FBN2: variants seen among roughly 807,000 people sequenced by gnomAD.
FBN2 encodes the protein fibrillin 2.
A neutral mutation model predicts 355.6 loss-of-function variants in FBN2; 105 were observed. The observed-to-expected ratio is 0.30, with a 90% CI of 0.25 to 0.35. The LOEUF is 0.35. FBN2 is among the 10% of genes least tolerant of loss of function. The probability of loss-of-function intolerance (pLI) is 1.00; values close to 1 mark genes in which losing one functional copy is unlikely to be tolerated. For synonymous variants in FBN2, 1,350 were observed against 1,301.2 expected, an observed-to-expected ratio of 1.04 and a Z score of -0.81; for missense variants, 3,280 against 3,758.7, an observed-to-expected ratio of 0.87 and a Z score of 3.33.
intron 48 of FBN2, among the ~76,000 whole-genome samples, chr5:128,297,719 C>T (rs2126829680): frequency 6.6e-6 from 1 of 152,182 alleles, no homozygotes; most frequent in African/African-American, 2.4e-5. Flanking sequence ...TTATTTTGAG[C>T]CTATGTGTGT....
At chr5:128,340,649 C>T (rs899227333) in intron 25 of FBN2, among the ~76,000 whole-genome samples, 1 of 152,018 alleles carries the variant, frequency 6.6e-6, no homozygotes, top group Non-Finnish European at 1.5e-5. Context: ...GCTACAAATC[C>T]CAGTCTGTCA....
chr5:128,446,309 C>A (rs530999058), intron 7 of FBN2, 172 bp downstream of exon 7: 117 of 610,808 alleles, frequency 1.9e-4, no homozygotes, highest in African/African-American at 1.8e-3. Flanking sequence ...CAAATCAAAC[C>A]CACTAAGGCT....
chr5:128,426,888 T>C lies in FBN2; in HGVS notation c.953-18089A>G, dbSNP rs973919278. Among the ~76,000 whole-genome samples, 6 of 152,282 alleles carry C rather than the reference T, an allele frequency of 3.9e-5. No individual in the cohort carries two copies. In the East Asian group the frequency reaches 7.7e-4, roughly 20 times the overall value. On this transcript the variant is annotated intron_variant, in intron 7 of 64. Coordinates refer to ENST00000262464, the MANE Select transcript of FBN2 (RefSeq NM_001999.4). ...CCTTCCCAGTCTCCTTTGTTGGTGC[T>C]TTCTCATCTCCTGCACCTCTAAATG...
chr5:128,494,068 G>C (rs1395663820), intron 5 of FBN2, among the ~76,000 whole-genome samples: 1 of 152,158 alleles, frequency 6.6e-6, no homozygotes, highest in South Asian at 2.1e-4. Context: ...GTTTAAGCTG[G>C]AGACACAGAT....
chr5:128,269,033 G>A (rs1369853660), intron 62 of FBN2, among the ~76,000 whole-genome samples: 3 of 152,148 alleles, frequency 2.0e-5, no homozygotes, highest in Non-Finnish European at 2.9e-5. Flanking sequence ...GGGCAATCAG[G>A]CAAGAGAAGA....
intron 57 of FBN2, among the ~76,000 whole-genome samples, chr5:128,278,335 A>G (rs2126809191): frequency 6.6e-6 from 1 of 152,306 alleles, no homozygotes. Context: ...TGATCTTGGG[A>G]AAATTACTTA....
At chr5:128,467,631 G>GTA (rs1165032594) in intron 5 of FBN2, among the ~76,000 whole-genome samples, 2 of 152,060 alleles carry the variant, frequency 1.3e-5, no homozygotes, top group Non-Finnish European at 2.9e-5. Context: ...AAATACTGAT[G>GTA]TATACCATGC....
At chr5:128,404,821 G>A (rs1400111919) in intron 8 of FBN2, among the ~76,000 whole-genome samples, 1 of 152,174 alleles carries the variant, frequency 6.6e-6, no homozygotes, top group Non-Finnish European at 1.5e-5. Flanking sequence ...TCAAAATGGT[G>A]GGGCTGATTA....
chr5:128,447,981 G>A (rs963752357), intron 6 of FBN2, among the ~76,000 whole-genome samples: 1 of 152,166 alleles, frequency 6.6e-6, no homozygotes, highest in African/African-American at 2.4e-5. Context: ...AACACTTAAT[G>A]TGTTTCCTCT....
At chr5:128,390,205 C>T (rs1752475761) in intron 11 of FBN2, among the ~76,000 whole-genome samples, 1 of 152,124 alleles carries the variant, frequency 6.6e-6, no homozygotes, top group Non-Finnish European at 1.5e-5. Context: ...TTCAAGTCTA[C>T]CACTACTAAC....
In FBN2 at chr5:128,286,821, G is replaced by A. The variant is rs762440824; in HGVS notation, c.6909C>T (p.His2303=). ...ACATCATGCCCCTAGATTCACAGTC[G>A]TGTAACCCTTCAGCACATTCATCCA... ...KDLDECAEGL[H]DCESRGMMCK... The change falls in exon 55 of 65, where the codon CAC becomes CAT. Residue 2303 remains histidine (H), a synonymous_variant. Transcript: ENST00000262464. 27 of 1,613,860 alleles carry A rather than the reference G, an allele frequency of 1.7e-5. No individual in the cohort carries two copies. Among genetic ancestry groups the A allele is most frequent in the South Asian group, 5.5e-5 (5 of 91,082 alleles).
chr5:128,482,600 T>C (rs954714349), intron 5 of FBN2, among the ~76,000 whole-genome samples: 5 of 152,188 alleles, frequency 3.3e-5, no homozygotes, highest in Non-Finnish European at 7.3e-5. Flanking sequence ...TGGGGAGCTA[T>C]CATTTTTTGC....
At position 128,353,251 on chromosome 5, in the gene FBN2, T is replaced by C. The variant is rs557364810; in HGVS notation, c.2675-2246A>G. Among the ~76,000 whole-genome samples, 5 of 152,086 alleles carry C rather than the reference T, an allele frequency of 3.3e-5. No individual in the cohort carries two copies. The East Asian group carries it at 9.7e-4, about 29-fold the overall frequency. The stretch of plus-strand genomic sequence containing the variant: ...CCAAACACAGAAAGGGAATTACAAT[T>C]AAACCATGGGCCTATGATGGCAGAA... On this transcript the variant is annotated intron_variant, in intron 20 of 64. Coordinates refer to ENST00000262464, the MANE Select transcript of FBN2 (RefSeq NM_001999.4).
rs752575354 is a variant in FBN2, at chr5:128,263,419, C to A, written c.8192+6G>T. The stretch of plus-strand genomic sequence containing the variant: ...CTCTATGTGCTGAGGCTGAAGGCCG[C>A]CTTACCCTTGTCCCACTCTGTAATA... On this transcript the variant is annotated splice_donor_region_variant and intron_variant, in intron 63 of 64. Coordinates refer to ENST00000262464, the MANE Select transcript of FBN2 (RefSeq NM_001999.4). 2 of 1,607,212 alleles carry A rather than the reference C, an allele frequency of 1.2e-6. No homozygotes were observed. The highest frequency in any genetic ancestry group is 2.2e-5 in the South Asian group (2 of 90,894).
intron 60 of FBN2, 108 bp downstream of exon 60, chr5:128,274,459 G>T (rs1027096166): frequency 1.3e-6 from 1 of 744,392 alleles, no homozygotes. Flanking sequence ...ATGGGGTATT[G>T]GTTACTGAAC....
chr5:128,345,027 T>G (rs1373411498), intron 24 of FBN2, among the ~76,000 whole-genome samples: 1 of 152,094 alleles, frequency 6.6e-6, no homozygotes, highest in African/African-American at 2.4e-5. Flanking sequence ...TAAGAAAGAG[T>G]TCTGATTCCT....
intron 48 of FBN2, among the ~76,000 whole-genome samples, chr5:128,298,791 C>T (rs1749615667): frequency 6.6e-6 from 1 of 152,156 alleles, no homozygotes; most frequent in South Asian, 2.1e-4. Flanking sequence ...AGTGTCCTCC[C>T]ATAGCTCGGA....
intron 41 of FBN2, 76 bp from the exon 42 acceptor site, chr5:128,307,279 C>T: frequency 1.2e-6 from 1 of 866,804 alleles, no homozygotes. Context: ...ATTACTTTCA[C>T]AAACAAATAT....
chr5:128,318,412 C>T (rs1177453716), intron 35 of FBN2, 141 bp from the exon 36 acceptor site: 1 of 899,700 alleles, frequency 1.1e-6, no homozygotes, highest in African/African-American at 1.7e-5. Context: ...AAATAAATAT[C>T]TTAAATTTTG....
Sources: gnomAD v4.1 joint callset for allele counts (sites outside exome capture counted in the v4.1 genomes callset) on GRCh38, gnomAD v4.1.1 for gene constraint, MANE v1.5 for transcripts, NCBI Gene and HGNC (gene_info 2026-07-23, HGNC 2026-07-21) for gene names.